The following FLNB variants were observed in gnomAD, a reference collection of about 807,000 sequenced individuals.
FLNB encodes filamin B.
A neutral mutation model predicts 250.6 loss-of-function variants in FLNB; 111 were observed. The ratio of observed to expected loss-of-function variants is 0.44; its 90% CI spans 0.38 to 0.52. The LOEUF is 0.52. Among genes scored for constraint, FLNB ranks in the 20% least tolerant of loss-of-function variants. The pLI is 0.00. For missense variants in FLNB, 2,869 were observed against 3,447.8 expected, an observed-to-expected ratio of 0.83 and a Z score of 4.20; for synonymous variants, 1,302 against 1,372.1, an observed-to-expected ratio of 0.95 and a Z score of 1.13.
chr3:58,081,064 G>C (rs1443139428), intron 3 of FLNB, among the ~76,000 whole-genome samples: 1 of 151,912 alleles, frequency 6.6e-6, no homozygotes, highest in East Asian at 1.9e-4. Context: ...TAAAGTGATG[G>C]GATTACAGTC....
chr3:58,115,402 T>C (rs1301661087), intron 18 of FLNB, among the ~76,000 whole-genome samples: 1 of 152,168 alleles, frequency 6.6e-6, no homozygotes, highest in Non-Finnish European at 1.5e-5. Context: ...TGCCTTTTAG[T>C]GTTTTGGCTG....
At chr3:58,147,276 G>A (rs977534552) in intron 34 of FLNB, among the ~76,000 whole-genome samples, 4 of 152,198 alleles carry the variant, frequency 2.6e-5, no homozygotes, top group Non-Finnish European at 2.9e-5. Flanking sequence ...TGGAGTGTTC[G>A]AATCATACTT....
At chr3:58,014,399 C>T (rs2106682871) in intron 1 of FLNB, among the ~76,000 whole-genome samples, 1 of 152,362 alleles carries the variant, frequency 6.6e-6, no homozygotes, top group East Asian at 1.9e-4. Context: ...TCATTCCAGC[C>T]TCCCACCCCT....
chr3:58,143,359 C>G, intron 31 of FLNB, 114 bp from the exon 32 acceptor site: 1 of 1,089,818 alleles, frequency 9.2e-7, no homozygotes, highest in Non-Finnish European at 1.4e-6. Flanking sequence ...TAGGCAGCAA[C>G]GAATGTTCTT....
intron 4 of FLNB, among the ~76,000 whole-genome samples, chr3:58,093,659 A>ACC (rs990416365): frequency 2.1e-5 from 3 of 145,676 alleles, no homozygotes; most frequent in Non-Finnish European, 4.5e-5. Context: ...ACACACACAC[A>ACC]CCCCTATGCA....
At chr3:58,070,016 T>C (rs2097191682) in intron 1 of FLNB, among the ~76,000 whole-genome samples, 1 of 150,156 alleles carries the variant, frequency 6.7e-6, no homozygotes, top group Non-Finnish European at 1.5e-5. Context: ...AGCGGCCAAC[T>C]GTGAGACAGG....
At chr3:58,036,149 GTTTC>G (rs1439841931) in intron 1 of FLNB, among the ~76,000 whole-genome samples, 1 of 152,194 alleles carries the variant, frequency 6.6e-6, no homozygotes, top group Non-Finnish European at 1.5e-5. Context: ...CAGGATACCT[GTTTC>G]TTTATTCTGA....
rs1210750349 is a variant in FLNB, at chr3:58,132,826, A to G, written c.4409A>G (p.Asn1470Ser). The change falls in exon 26 of 46, where the codon AAC (asparagine) becomes AGC (serine). Residue 1470 changes from asparagine (N) to serine (S), a missense_variant. Asn to Ser is a conservative substitution (Grantham distance 46). Transcript: ENST00000295956. The stretch of plus-strand genomic sequence containing the variant: ...TCCTCAGGCTTGGTGGAGCCAGTGA[A>G]CGTGGTGGACAATGGAGATGGCACA... Reference protein sequence around the residue: ...LGPRGLVEPVNVVDNGDGTHT... With the variant: ...LGPRGLVEPVSVVDNGDGTHT... 6.2e-7 allele frequency: 1 copy of G among 1,614,138 alleles called. No homozygotes were observed. Among genetic ancestry groups the G allele is most frequent in the Non-Finnish European group, 8.5e-7 (1 of 1,180,008 alleles).
chr3:58,125,836 A>G, intron 23 of FLNB, 93 bp downstream of exon 23: 1 of 1,209,822 alleles, frequency 8.3e-7, no homozygotes, highest in East Asian at 2.3e-5. Context: ...GATAAGATGA[A>G]TTTTTATTTT....
At chr3:58,126,808 A>G (rs1370513978) in intron 24 of FLNB, 46 bp downstream of exon 24, 3 of 1,580,786 alleles carry the variant, frequency 1.9e-6, no homozygotes, top group African/African-American at 2.7e-5. Flanking sequence ...TTGATTTTGC[A>G]GGAAAATGGG....
In FLNB at chr3:58,148,727, C is replaced by G; in HGVS notation, c.5966C>G (p.Pro1989Arg). The G allele has an allele frequency of 6.2e-7, 1 of 1,614,070 alleles. No individual in the cohort carries two copies. The highest frequency in any genetic ancestry group is 8.5e-7 in the Non-Finnish European group (1 of 1,180,010). ...KKNGNHVANS[P>R]VSIMVVQSEI... ...AATGGCAACCATGTGGCCAACAGCCCCGTGTCTATCATGGTGGTCCAGTCG... is the reference window on the plus strand; with the variant it reads ...AATGGCAACCATGTGGCCAACAGCCGCGTGTCTATCATGGTGGTCCAGTCG... The change falls in exon 36 of 46, where the codon CCC becomes CGC. Residue 1989 changes from proline to arginine, a missense_variant. Coordinates refer to ENST00000295956, the MANE Select transcript of FLNB (RefSeq NM_001457.4).
chr3:58,142,736 G>A lies in FLNB; in HGVS notation c.5268G>A (p.Arg1756=), dbSNP rs772776235. 3.7e-6 allele frequency: 6 copies of A among 1,614,162 alleles called. No homozygotes were observed. The highest frequency in any genetic ancestry group is 1.7e-5 in the Admixed American group (1 of 60,034). The change falls in exon 31 of 46, where the codon AGG becomes AGA. Residue 1756 remains arginine (R), a synonymous_variant. Transcript: ENST00000295956. The surrounding 1 kb of genome is among the most constrained non-coding windows in gnomAD (Gnocchi z 4.3). The stretch of plus-strand genomic sequence containing the variant: ...ACCTGGTCATTCCGTTTGCTGTCAG[G>A]AAAGGAGAAATCACTGGTAAGCACT... ...PFDLVIPFAV[R]KGEITGEVHM... is the part of the protein sequence containing the mutation.
chr3:58,013,930 A>T (rs1349070626), intron 1 of FLNB, among the ~76,000 whole-genome samples: 1 of 152,254 alleles, frequency 6.6e-6, no homozygotes, highest in East Asian at 1.9e-4. Context: ...GTAGTAGTTA[A>T]GAGCAAGGAT....
intron 8 of FLNB, among the ~76,000 whole-genome samples, chr3:58,101,284 T>C (rs1385142886): frequency 6.6e-6 from 1 of 152,180 alleles, no homozygotes. Flanking sequence ...CCTTCCTGTA[T>C]AGAGATTTGT....
chr3:58,167,820 C>G (rs559125506), intron 43 of FLNB, among the ~76,000 whole-genome samples: 19 of 152,396 alleles, frequency 1.2e-4, no homozygotes, highest in African/African-American at 4.6e-4. Context: ...GTAAATGGTG[C>G]TGTGCACAGG....
chr3:58,056,699 T>G (rs986725543), intron 1 of FLNB, among the ~76,000 whole-genome samples: 3 of 151,822 alleles, frequency 2.0e-5, no homozygotes, highest in Admixed American at 1.3e-4. Context: ...CCTCCTGGGT[T>G]CAAGCCTCAG....
chr3:58,125,385 G>A (rs572765176), intron 22 of FLNB, among the ~76,000 whole-genome samples, 196 bp from the exon 23 acceptor site: 26 of 152,222 alleles, frequency 1.7e-4, no homozygotes, highest in Non-Finnish European at 2.2e-4. Context: ...TACCCACCTC[G>A]GCCTCCCAAA....
At chr3:58,085,874 G>A (rs9865341) in intron 4 of FLNB, among the ~76,000 whole-genome samples, 71,035 of 152,016 alleles carry the variant, frequency 0.47, 18,880 homozygotes, top group East Asian at 0.98. Context: ...GGTTAGCCAC[G>A]GGTGACCAAC....
intron 43 of FLNB, 99 bp downstream of exon 43, chr3:58,163,429 C>T (rs2097364885): frequency 1.6e-6 from 2 of 1,282,024 alleles, no homozygotes; most frequent in East Asian, 2.4e-5. Context: ...TTTACACGTA[C>T]TCCCCGTGGA....
Sources: allele counts gnomAD v4.1 joint callset (sites outside exome capture counted in the v4.1 genomes callset), GRCh38; gene constraint gnomAD v4.1.1; non-coding constraint Gnocchi (gnomAD v3.1); transcripts MANE v1.5; gene names NCBI Gene and HGNC (gene_info 2026-07-23, HGNC 2026-07-21).